Variants in ST6GALNAC3 observed in about 807,000 individuals in gnomAD.
ST6GALNAC3 encodes ST6 N-acetylgalactosaminide alpha-2,6-sialyltransferase 3.
In ST6GALNAC3, 25 loss-of-function variants were observed where a neutral mutation model predicts 32.7. That is an observed-to-expected ratio of 0.76 (90% CI 0.56 to 1.07). The LOEUF (loss-of-function observed/expected upper bound fraction) is 1.07, where lower values mean the gene tolerates loss of function less well. Ranked by LOEUF, ST6GALNAC3 falls within the 50% of genes least tolerant of loss-of-function variation. ST6GALNAC3 has a pLI of 0.00. For synonymous variants in ST6GALNAC3, 129 were observed against 133.1 expected (o/e 0.97, Z 0.21); for missense variants, 355 against 382.4 (o/e 0.93, Z 0.60).
At chr1:76,359,094 A>G (rs1473406407) in intron 2 of ST6GALNAC3, among the ~76,000 whole-genome samples, 1 of 152,210 alleles carries the variant, frequency 6.6e-6, no homozygotes, top group Non-Finnish European at 1.5e-5. Flanking sequence ...ACATGAAACA[A>G]GAGAGGACCT....
intron 2 of ST6GALNAC3, among the ~76,000 whole-genome samples, chr1:76,389,068 T>C (rs1405131835): frequency 5.6e-5 from 8 of 142,872 alleles, no homozygotes; most frequent in Non-Finnish European, 1.1e-4. Context: ...TGGGGTGCAA[T>C]GATCTTGGCT....
intron 1 of ST6GALNAC3, among the ~76,000 whole-genome samples, chr1:76,163,682 T>G (rs1651946234): frequency 6.6e-6 from 1 of 152,042 alleles, no homozygotes; most frequent in Non-Finnish European, 1.5e-5. Context: ...TAATGGTGTG[T>G]CTTAAATTCA....
intron 1 of ST6GALNAC3, among the ~76,000 whole-genome samples, chr1:76,167,669 A>G (rs1365791760): frequency 1.3e-5 from 2 of 151,716 alleles, no homozygotes; most frequent in Non-Finnish European, 3.0e-5. Context: ...TTCGGAGCTC[A>G]TTATTGTCTG....
chr1:76,344,567 G>C (rs1648334361), intron 2 of ST6GALNAC3, among the ~76,000 whole-genome samples: 1 of 152,102 alleles, frequency 6.6e-6, no homozygotes, highest in Non-Finnish European at 1.5e-5. Flanking sequence ...TGTCTCTACT[G>C]CTTAGAAGAG....
intron 3 of ST6GALNAC3, among the ~76,000 whole-genome samples, chr1:76,551,495 T>C (rs1409556948): frequency 6.6e-6 from 1 of 152,190 alleles, no homozygotes; most frequent in East Asian, 1.9e-4. Flanking sequence ...TCTTATTAAT[T>C]ATTATTATTA....
At chr1:76,503,555 C>G (rs923069954) in intron 3 of ST6GALNAC3, among the ~76,000 whole-genome samples, 6 of 152,186 alleles carry the variant, frequency 3.9e-5, no homozygotes, top group Non-Finnish European at 8.8e-5. Context: ...AGTCTCAATT[C>G]AAAGAATTCT....
At chr1:76,269,086 G>A (rs535693446) in intron 1 of ST6GALNAC3, among the ~76,000 whole-genome samples, 3 of 152,240 alleles carry the variant, frequency 2.0e-5, no homozygotes, top group South Asian at 2.1e-4. Context: ...TCTAAACTCC[G>A]GTCAGTTGTG....
downstream of ST6GALNAC3, chr1:76,637,027 A>T (rs1649521144): frequency 6.6e-6 from 1 of 151,196 alleles, no homozygotes; most frequent in Non-Finnish European, 1.5e-5. Flanking sequence ...TGTTTAGTTT[A>T]ATCAGAGTGG....
chr1:76,075,119 CAG>C (rs1646794972), intron 1 of ST6GALNAC3, among the ~76,000 whole-genome samples: 1 of 152,246 alleles, frequency 6.6e-6, no homozygotes, highest in African/African-American at 2.4e-5. Flanking sequence ...GAAGGAGCTG[CAG>C]ACTGTTGGCT....
intron 3 of ST6GALNAC3, among the ~76,000 whole-genome samples, chr1:76,427,492 G>A (rs1330105595): frequency 1.3e-5 from 2 of 151,968 alleles, no homozygotes; most frequent in African/African-American, 4.8e-5. Context: ...ATATGTGCAA[G>A]GATTCTTGAT....
At chr1:76,112,254 C>A (rs1473103675) in intron 1 of ST6GALNAC3, among the ~76,000 whole-genome samples, 5 of 142,710 alleles carry the variant, frequency 3.5e-5, no homozygotes, top group Admixed American at 6.8e-5. Context: ...CTGACCCCCC[C>A]ACCTCCTTCC....
chr1:76,310,605 G>A (rs1372563945), intron 1 of ST6GALNAC3, among the ~76,000 whole-genome samples: 1 of 152,148 alleles, frequency 6.6e-6, no homozygotes, highest in Non-Finnish European at 1.5e-5. Flanking sequence ...GCCCTGGGAG[G>A]ATACAGGAAC....
chr1:76,327,025 C>A (rs756819253), intron 2 of ST6GALNAC3, among the ~76,000 whole-genome samples: 1 of 151,658 alleles, frequency 6.6e-6, no homozygotes, highest in Non-Finnish European at 1.5e-5. Flanking sequence ...TTTTCTTTAC[C>A]ATATTAAGGA....
intron 1 of ST6GALNAC3, among the ~76,000 whole-genome samples, chr1:76,090,218 CTG>C (rs1443553333): frequency 6.6e-6 from 1 of 152,194 alleles, no homozygotes; most frequent in East Asian, 1.9e-4. Flanking sequence ...CTGAATTAAA[CTG>C]ATTATCTTTT....
chr1:76,400,244 T>A (rs1653300585), intron 2 of ST6GALNAC3, among the ~76,000 whole-genome samples: 1 of 152,224 alleles, frequency 6.6e-6, no homozygotes, highest in South Asian at 2.1e-4. Flanking sequence ...TTAGTCAACA[T>A]TGAATTTCCT....
intron 1 of ST6GALNAC3, among the ~76,000 whole-genome samples, chr1:76,232,681 C>A (rs1570521753): frequency 6.6e-6 from 1 of 152,334 alleles, no homozygotes; most frequent in Non-Finnish European, 1.5e-5. Context: ...CAAGTCCCTG[C>A]CCCTTAGTGC....
At chr1:76,446,853 A>G (rs529606273) in intron 3 of ST6GALNAC3, among the ~76,000 whole-genome samples, 2 of 152,288 alleles carry the variant, frequency 1.3e-5, no homozygotes, top group East Asian at 3.9e-4. Context: ...ACGTGGAACT[A>G]TAAGTCCATT....
chr1:76,152,589 G>C (rs1376776320), intron 1 of ST6GALNAC3, among the ~76,000 whole-genome samples: 1 of 152,204 alleles, frequency 6.6e-6, no homozygotes, highest in African/African-American at 2.4e-5. Context: ...AGGCTTCCCA[G>C]GAGGCTGTGC....
chr1:76,634,088 G>C lies in ST6GALNAC3; in HGVS notation c.*5282G>C. 2 of 892,964 alleles carry C rather than the reference G, an allele frequency of 2.2e-6. No individual in the cohort carries two copies. The highest frequency in any genetic ancestry group is 2.7e-6 in the Non-Finnish European group (2 of 746,220). The allele number at this position is 892,964 out of a possible 1,614,324, so 55.3% of individuals were successfully genotyped here. A position where few individuals can be genotyped will look rare whatever the true frequency, so the allele number is the denominator to read the frequency against. ...ACTTGTTTGTTTCTTTTCAGAATAG[G>C]CACTTTTTTTTGAGTAGAAAACCTC... is the stretch of plus-strand genomic sequence containing the variant. On this transcript the variant is annotated 3_prime_UTR_variant, in exon 5 of 5. Coordinates refer to ENST00000328299, the MANE Select transcript of ST6GALNAC3 (RefSeq NM_152996.4).
Sources: gnomAD v4.1 joint callset for allele counts (sites outside exome capture counted in the v4.1 genomes callset) on GRCh38, gnomAD v4.1.1 for gene constraint, MANE v1.5 for transcripts, NCBI Gene and HGNC (gene_info 2026-07-23, HGNC 2026-07-21) for gene names.